ABCD3: variants seen among roughly 807,000 people sequenced by gnomAD.
ABCD3 encodes the protein ATP binding cassette subfamily D member 3, also known as ATP-binding cassette sub-family D member 3.
In ABCD3, 41 loss-of-function variants were observed where a neutral mutation model predicts 105.5. That is an observed-to-expected ratio of 0.39 (90% CI 0.30 to 0.50). ABCD3 has a LOEUF of 0.50. ABCD3 is among the 20% of genes least tolerant of loss of function. The pLI is 0.84. For missense variants in ABCD3, 622 were observed against 806.3 expected, an observed-to-expected ratio of 0.77 and a Z score of 2.77; for synonymous variants, 258 against 269.0, an observed-to-expected ratio of 0.96 and a Z score of 0.40.
At chr1:94,505,985 TAGTC>T (rs748915421) in intron 20 of ABCD3, among the ~76,000 whole-genome samples, 19 of 152,284 alleles carry the variant, frequency 1.2e-4, no homozygotes, top group Non-Finnish European at 2.5e-4. Flanking sequence ...TCATTCCTGA[TAGTC>T]AAAGAAATGT....
At chr1:94,488,820 T>TCA (rs1451714625) in intron 13 of ABCD3, among the ~76,000 whole-genome samples, 2 of 149,304 alleles carry the variant, frequency 1.3e-5, no homozygotes, top group South Asian at 2.1e-4. Context: ...TTCCTTTCAC[T>TCA]CTCTCTCTCT....
At chr1:94,411,729 G>GT in the ABCD3 span, among the ~76,000 whole-genome samples, 2 of 151,978 alleles carry the variant, frequency 1.3e-5, no homozygotes, top group Non-Finnish European at 2.9e-5. Context: ...ATAACCAAAA[G>GT]GTAGAAACAA....
chr1:94,515,585 G>A (rs1432434471), intron 22 of ABCD3, among the ~76,000 whole-genome samples: 1 of 151,874 alleles, frequency 6.6e-6, no homozygotes, highest in Non-Finnish European at 1.5e-5. Context: ...GACTACAAGG[G>A]GGAAGATTGA....
Position 94,483,180 on chromosome 1 carries a change from G to A in ABCD3, c.838G>A (p.Ala280Thr), listed in dbSNP as rs778331383. 4 of 1,607,096 alleles carry A rather than the reference G, an allele frequency of 2.5e-6. No individual in the cohort carries two copies. Among genetic ancestry groups the A allele is most frequent in the Non-Finnish European group, 3.4e-6 (4 of 1,173,978 alleles). The part of the protein sequence containing the change: ...SRLITNSEEI[A>T]FYNGNKREKQ... The stretch of plus-strand genomic sequence containing the variant: ...TATTTTCTTTAATAGTGAAGAAATT[G>A]CCTTTTACAATGGGAATAAAAGAGA... The change falls in exon 10 of 23, where the codon GCC becomes ACC. Residue 280 changes from alanine (A) to threonine (T), a missense_variant. By Grantham distance (58) the Ala-to-Thr change is moderately conservative. Transcript: ENST00000370214.
chr1:94,459,706 T>A (rs1282577845), intron 2 of ABCD3, among the ~76,000 whole-genome samples: 2 of 152,184 alleles, frequency 1.3e-5, no homozygotes, highest in Non-Finnish European at 2.9e-5. Flanking sequence ...CACCACTACC[T>A]AGTTTTAGGA....
At chr1:94,437,097 A>G (rs1333041404) in intron 1 of ABCD3, among the ~76,000 whole-genome samples, 2 of 152,232 alleles carry the variant, frequency 1.3e-5, no homozygotes, top group East Asian at 1.9e-4. Context: ...AGCCATCTCT[A>G]TAATATGAAA....
At chr1:94,391,247 T>C in the ABCD3 span, among the ~76,000 whole-genome samples, 3 of 152,218 alleles carry the variant, frequency 2.0e-5, no homozygotes, top group African/African-American at 7.2e-5. Context: ...TGATGTATTC[T>C]TTTTATTATA....
chr1:94,493,504 A>T (rs2101030796), intron 16 of ABCD3, among the ~76,000 whole-genome samples: 1 of 151,666 alleles, frequency 6.6e-6, no homozygotes, highest in East Asian at 1.9e-4. Context: ...GGGACTGTAA[A>T]CTAGTTCAAC....
chr1:94,395,718 A>ATT, the ABCD3 span, among the ~76,000 whole-genome samples: 1 of 152,140 alleles, frequency 6.6e-6, no homozygotes, highest in African/African-American at 2.4e-5. Context: ...TGCAAAAGTA[A>ATT]TTGCTGTTTT....
intron 4 of ABCD3, among the ~76,000 whole-genome samples, chr1:94,469,834 T>G (rs1570786373): frequency 6.6e-6 from 1 of 151,670 alleles, no homozygotes; most frequent in African/African-American, 2.4e-5. Flanking sequence ...CCTGGCTAAT[T>G]TTTTGTATTT....
At chr1:94,497,074 G>C (rs1649858752) in intron 16 of ABCD3, among the ~76,000 whole-genome samples, 1 of 152,034 alleles carries the variant, frequency 6.6e-6, no homozygotes, top group Admixed American at 6.6e-5. Flanking sequence ...GTTTTACTTA[G>C]TTGTCATATT....
chr1:94,433,648 T>G (rs1659779845), intron 1 of ABCD3, among the ~76,000 whole-genome samples: 1 of 150,528 alleles, frequency 6.6e-6, no homozygotes, highest in Non-Finnish European at 1.5e-5. Context: ...TTTTTTTGTC[T>G]AAACATGTCT....
chr1:94,432,809 C>T (rs1659739592), intron 1 of ABCD3, among the ~76,000 whole-genome samples: 1 of 151,792 alleles, frequency 6.6e-6, no homozygotes, highest in South Asian at 2.1e-4. Flanking sequence ...TCATGCATTG[C>T]TTAACAATGG....
intron 1 of ABCD3, among the ~76,000 whole-genome samples, chr1:94,424,764 C>A (rs1261009094): frequency 6.6e-6 from 1 of 152,192 alleles, no homozygotes; most frequent in Non-Finnish European, 1.5e-5. Flanking sequence ...CTTTACTTTT[C>A]TCCTTAGCAC....
At chr1:94,434,568 G>C (rs540031307) in intron 1 of ABCD3, among the ~76,000 whole-genome samples, 97 of 152,180 alleles carry the variant, frequency 6.4e-4, no homozygotes, top group African/African-American at 2.2e-3. Flanking sequence ...TAGGTGATAG[G>C]AATTTTTCAG....
intron 4 of ABCD3, among the ~76,000 whole-genome samples, chr1:94,468,838 A>G (rs1250560849): frequency 1.3e-5 from 2 of 152,164 alleles, no homozygotes; most frequent in African/African-American, 4.8e-5. Context: ...AGAATGCTTT[A>G]TGACCATGCT....
At chr1:94,487,817 A>G (rs1649344769) in intron 12 of ABCD3, 26 bp downstream of exon 12, 1 of 1,612,176 alleles carries the variant, frequency 6.2e-7, no homozygotes. Context: ...TACAATGAAA[A>G]TGTAACAGTA....
chr1:94,478,860 A>G (rs1648894709), intron 8 of ABCD3: 1 of 252,898 alleles, frequency 4.0e-6, no homozygotes, highest in Non-Finnish European at 7.1e-6. Context: ...TATAATGTAA[A>G]TGGTTGGCTA....
At chr1:94,464,931 T>C in intron 3 of ABCD3, 58 bp downstream of exon 3, 1 of 1,334,374 alleles carries the variant, frequency 7.5e-7, no homozygotes, top group Non-Finnish European at 1.1e-6. Context: ...ATAAAATACC[T>C]GAGGCTGGGT....
Sources: allele counts gnomAD v4.1 joint callset (sites outside exome capture counted in the v4.1 genomes callset), GRCh38; gene constraint gnomAD v4.1.1; transcripts MANE v1.5; gene names NCBI Gene and HGNC (gene_info 2026-07-23, HGNC 2026-07-21).